TMTC2: variants seen among roughly 807,000 people sequenced by gnomAD.
TMTC2 encodes transmembrane O-mannosyltransferase targeting cadherins 2.
In TMTC2, 43 loss-of-function variants were observed where a neutral mutation model predicts 82.4. The observed-to-expected ratio is 0.52, with a 90% confidence interval of 0.41 to 0.67. TMTC2 has a LOEUF of 0.67. Ranked by LOEUF, TMTC2 falls within the 30% of genes least tolerant of loss-of-function variation. The pLI is 0.00. For missense variants in TMTC2, 919 were observed against 1,012.4 expected, an observed-to-expected ratio of 0.91 and a Z score of 1.25; for synonymous variants, 408 against 381.9, an observed-to-expected ratio of 1.07 and a Z score of -0.80.
intron 9 of TMTC2, among the ~76,000 whole-genome samples, chr12:83,043,261 C>T (rs1267771664): frequency 1.3e-5 from 2 of 152,154 alleles, no homozygotes; most frequent in Non-Finnish European, 1.5e-5. Flanking sequence ...TTAGTAGTAT[C>T]CCCTACCTAC....
intron 1 of TMTC2, among the ~76,000 whole-genome samples, chr12:82,854,172 T>A (rs555092926): frequency 5.4e-4 from 83 of 152,332 alleles, no homozygotes; most frequent in Admixed American, 2.6e-3. Flanking sequence ...AATCTACTGT[T>A]CTGTAATAGG....
At chr12:82,899,925 A>G (rs1873906082) in intron 3 of TMTC2, among the ~76,000 whole-genome samples, 1 of 138,318 alleles carries the variant, frequency 7.2e-6, no homozygotes, top group Admixed American at 7.7e-5. Context: ...CGGAATATAG[A>G]TATGTAGGAA....
chr12:82,879,121 G>T (rs1872708286), intron 2 of TMTC2, among the ~76,000 whole-genome samples: 1 of 152,098 alleles, frequency 6.6e-6, no homozygotes, highest in African/African-American at 2.4e-5. Context: ...ACCAATCTGT[G>T]GCTGTATGAA....
chr12:82,826,270 T>G (rs1469786964), intron 1 of TMTC2, among the ~76,000 whole-genome samples: 2 of 152,164 alleles, frequency 1.3e-5, no homozygotes, highest in Non-Finnish European at 2.9e-5. Flanking sequence ...TGAGTTTAGA[T>G]TAAAAGGGCA....
intron 1 of TMTC2, among the ~76,000 whole-genome samples, chr12:82,696,373 A>G (rs1490751321): frequency 6.6e-6 from 1 of 152,218 alleles, no homozygotes; most frequent in Non-Finnish European, 1.5e-5. Flanking sequence ...ACAGATTTAT[A>G]TTAAAGAAAC....
intron 2 of TMTC2, among the ~76,000 whole-genome samples, chr12:82,867,934 T>G (rs555673779): frequency 1.2e-4 from 18 of 152,306 alleles, no homozygotes; most frequent in African/African-American, 4.1e-4. Flanking sequence ...TGCTTATAAG[T>G]CTATCGGGGA....
At chr12:82,866,489 C>T (rs1160859675) in intron 2 of TMTC2, among the ~76,000 whole-genome samples, 1 of 152,150 alleles carries the variant, frequency 6.6e-6, no homozygotes, top group African/African-American at 2.4e-5. Flanking sequence ...GTGAAAATGA[C>T]ACGCAAATTG....
intron 8 of TMTC2, among the ~76,000 whole-genome samples, chr12:83,015,015 A>G (rs1565853505): frequency 1.3e-5 from 2 of 152,192 alleles, no homozygotes; most frequent in Non-Finnish European, 2.9e-5. Flanking sequence ...TCTAGGGATC[A>G]ACCTTCACGA....
At chr12:82,912,835 G>A (rs1263119439) in intron 3 of TMTC2, among the ~76,000 whole-genome samples, 4 of 151,702 alleles carry the variant, frequency 2.6e-5, no homozygotes, top group Admixed American at 1.3e-4. Flanking sequence ...CTACTTGGGG[G>A]GCTGAGGTGG....
In TMTC2 at chr12:82,891,365, A is replaced by G. The variant is rs537064676; in HGVS notation, c.655-4453A>G. ...CTCTTGTTGCCCAGGCTGGAGTGCA[A>G]TGACGGGGCCTCGGCTCACTGCAAC... is the stretch of plus-strand genomic sequence containing the variant. On this transcript the variant is annotated intron_variant, in intron 2 of 11. Transcript: ENST00000321196. 3.5e-3 allele frequency among the ~76,000 whole-genome samples: 537 copies of G among 152,210 alleles called. 2 individuals are homozygous for G. The highest frequency in any genetic ancestry group is 5.1e-3 in the Non-Finnish European group (349 of 68,012).
At chr12:82,835,967 ATAT>A (rs1044450604) in intron 1 of TMTC2, among the ~76,000 whole-genome samples, 1 of 152,222 alleles carries the variant, frequency 6.6e-6, no homozygotes, top group African/African-American at 2.4e-5. Context: ...AATATTTTGA[ATAT>A]CACCCCTGGG....
chr12:83,115,252 T>C (rs1054611069), intron 11 of TMTC2, among the ~76,000 whole-genome samples: 1 of 152,054 alleles, frequency 6.6e-6, no homozygotes, highest in African/African-American at 2.4e-5. Flanking sequence ...ACAAACAAAG[T>C]GTAGAATGAA....
intron 11 of TMTC2, among the ~76,000 whole-genome samples, chr12:83,072,618 A>G (rs747190867): frequency 6.6e-6 from 1 of 152,128 alleles, no homozygotes; most frequent in Non-Finnish European, 1.5e-5. Flanking sequence ...GTCCCCCACT[A>G]TTACTATGTT....
At chr12:82,811,169 T>C (rs1442894345) in intron 1 of TMTC2, among the ~76,000 whole-genome samples, 1 of 152,082 alleles carries the variant, frequency 6.6e-6, no homozygotes, top group Non-Finnish European at 1.5e-5. Flanking sequence ...GAGGTTGCAG[T>C]GAGCCGAGAT....
At chr12:82,995,490 C>T (rs946310070) in intron 8 of TMTC2, among the ~76,000 whole-genome samples, 1 of 152,080 alleles carries the variant, frequency 6.6e-6, no homozygotes, top group African/African-American at 2.4e-5. Context: ...CTTATGTTTA[C>T]CTATGTTACA....
intron 3 of TMTC2, among the ~76,000 whole-genome samples, chr12:82,925,352 A>T (rs1013157905): frequency 5.3e-5 from 8 of 152,250 alleles, no homozygotes; most frequent in African/African-American, 1.9e-4. Flanking sequence ...TTCCTGGCAC[A>T]ATAGGTGCTT....
Position 83,121,613 on chromosome 12 carries a change from C to T in TMTC2, c.2332-10597C>T, listed in dbSNP as rs1048100329. On this transcript the variant is annotated intron_variant, in intron 11 of 11. Transcript: ENST00000321196. ...CTTAGCTTTGGTGGTTTAATGCACT[C>T]TTTTTGTGCTGGTTGGCCTCCTGCT... 3.9e-5 allele frequency among the ~76,000 whole-genome samples: 6 copies of T among 152,094 alleles called. No homozygotes were observed. In the South Asian group the frequency reaches 1.2e-3, roughly 32 times the overall value.
chr12:82,966,620 T>G (rs1878222395), intron 6 of TMTC2, among the ~76,000 whole-genome samples: 1 of 152,010 alleles, frequency 6.6e-6, no homozygotes, highest in Non-Finnish European at 1.5e-5. Context: ...ATATATATAG[T>G]TTTTTTGGTT....
At chr12:82,715,067 C>T (rs920003688) in intron 1 of TMTC2, among the ~76,000 whole-genome samples, 6 of 151,948 alleles carry the variant, frequency 3.9e-5, no homozygotes, top group South Asian at 2.1e-4. Context: ...GTCAGGAGTT[C>T]GAGACCAGGC....
Sources: gnomAD v4.1 joint callset for allele counts (sites outside exome capture counted in the v4.1 genomes callset) on GRCh38, gnomAD v4.1.1 for gene constraint, MANE v1.5 for transcripts, NCBI Gene and HGNC (gene_info 2026-07-23, HGNC 2026-07-21) for gene names.